The following CHD6 variants were observed in gnomAD, a reference collection of about 807,000 sequenced individuals.
The protein encoded by CHD6 is chromodomain helicase DNA binding protein 6.
A neutral mutation model predicts 276.9 loss-of-function variants in CHD6; 50 were observed. That is an observed-to-expected ratio of 0.18 (90% CI 0.14 to 0.23). CHD6 has a LOEUF of 0.23. Ranked by LOEUF, CHD6 falls within the 10% of genes least tolerant of loss-of-function variation. The pLI, the probability that CHD6 is intolerant of heterozygous loss-of-function variation, is 1.00. For synonymous variants in CHD6, 1,173 were observed against 1,229.3 expected (o/e 0.95, Z 0.96); for missense variants, 2,564 against 3,365.8 (o/e 0.76, Z 5.89).
At chr20:41,512,712 G>A (rs952218341) in intron 5 of CHD6, 134 bp downstream of exon 5, 16 of 944,088 alleles carry the variant, frequency 1.7e-5, no homozygotes, top group Non-Finnish European at 2.6e-5. Context: ...AATGCAACAG[G>A]AAGTCAATCG....
chr20:41,600,144 C>T (rs2045759101), intron 1 of CHD6, among the ~76,000 whole-genome samples: 1 of 152,180 alleles, frequency 6.6e-6, no homozygotes, highest in Non-Finnish European at 1.5e-5. Context: ...CTGAAAAGTC[C>T]TTGATGGCAG....
intron 1 of CHD6, among the ~76,000 whole-genome samples, chr20:41,567,557 A>C (rs2045369755): frequency 6.6e-6 from 1 of 151,916 alleles, no homozygotes. Context: ...CTGATCCCCA[A>C]GTAGGTATCA....
At chr20:41,504,918 A>G (rs2043940413) in intron 5 of CHD6, among the ~76,000 whole-genome samples, 1 of 152,044 alleles carries the variant, frequency 6.6e-6, no homozygotes, top group African/African-American at 2.4e-5. Flanking sequence ...TCCAAACAAT[A>G]TTTTCTACTA....
chr20:41,416,918 T>C (rs1172936952), intron 32 of CHD6, 124 bp from the exon 33 acceptor site: 15 of 810,508 alleles, frequency 1.9e-5, no homozygotes, highest in Non-Finnish European at 5.6e-6. Flanking sequence ...CACTCAAACA[T>C]ACTCACTTTA....
rs1053592679 is a variant in CHD6, at chr20:41,404,128, C to T, written c.*465G>A. Reference sequence around the variant, plus strand: ...AAATATTTTAACTCAAAAATATGCACCAGCACTTCCTTTTTCTGTGCTTTT... The same window carrying T: ...AAATATTTTAACTCAAAAATATGCATCAGCACTTCCTTTTTCTGTGCTTTT... On this transcript the variant is annotated 3_prime_UTR_variant, in exon 37 of 37. Coordinates refer to ENST00000373233, the MANE Select transcript of CHD6 (RefSeq NM_032221.5). 2.8e-6 allele frequency: 3 copies of T among 1,056,454 alleles called. No individual in the cohort carries two copies. Among genetic ancestry groups the T allele is most frequent in the African/African-American group, 3.3e-5 (2 of 60,624 alleles). The allele number at this position is 1,056,454 out of a possible 1,614,324, so 65.4% of individuals were successfully genotyped here.
chr20:41,479,264 A>T (rs907597659), intron 16 of CHD6, among the ~76,000 whole-genome samples: 21 of 152,186 alleles, frequency 1.4e-4, no homozygotes, highest in African/African-American at 2.9e-4. Flanking sequence ...AACAAAAAAG[A>T]AATTGAAGAA....
intron 27 of CHD6, among the ~76,000 whole-genome samples, chr20:41,429,431 T>C (rs541516382): frequency 1.2e-4 from 19 of 152,304 alleles, no homozygotes; most frequent in African/African-American, 4.1e-4. Flanking sequence ...ACTTAGATCA[T>C]TTCAAATCTC....
chr20:41,598,929 A>G (rs2146281161), intron 1 of CHD6, among the ~76,000 whole-genome samples: 1 of 152,292 alleles, frequency 6.6e-6, no homozygotes, highest in South Asian at 2.1e-4. Context: ...CAAAAAGGAC[A>G]ATCACAAAAA....
chr20:41,529,491 A>G (rs1397207821), intron 3 of CHD6, among the ~76,000 whole-genome samples: 1 of 152,090 alleles, frequency 6.6e-6, no homozygotes, highest in Non-Finnish European at 1.5e-5. Context: ...AGGGCTATGG[A>G]AGTTCAGAGG....
chr20:41,583,615 A>G (rs1196959011), intron 1 of CHD6, among the ~76,000 whole-genome samples: 2 of 152,234 alleles, frequency 1.3e-5, no homozygotes, highest in African/African-American at 4.8e-5. Flanking sequence ...CAAAAACAGA[A>G]GTCAATGCGA....
At chr20:41,505,229 C>A (rs1015102103) in intron 5 of CHD6, among the ~76,000 whole-genome samples, 1 of 152,130 alleles carries the variant, frequency 6.6e-6, no homozygotes, top group Non-Finnish European at 1.5e-5. Context: ...GTGGTAGGTC[C>A]ATTCCTTTAG....
intron 6 of CHD6, among the ~76,000 whole-genome samples, chr20:41,498,836 T>C (rs967658966): frequency 1.4e-5 from 2 of 147,182 alleles, no homozygotes; most frequent in African/African-American, 5.1e-5. Flanking sequence ...TGTGTGTGTG[T>C]GTGTGTGTGT....
chr20:41,588,769 A>G (rs971637539), intron 1 of CHD6, among the ~76,000 whole-genome samples: 1 of 151,884 alleles, frequency 6.6e-6, no homozygotes, highest in Admixed American at 6.6e-5. Context: ...TCTAGCTCCC[A>G]CTCTCTAATG....
chr20:41,513,084 G>T, intron 4 of CHD6, 89 bp from the exon 5 acceptor site: 1 of 1,358,856 alleles, frequency 7.4e-7, no homozygotes, highest in Non-Finnish European at 1.0e-6. Context: ...TTACTAACAT[G>T]CCAAGGAGTG....
chr20:41,551,266 AC>A, intron 2 of CHD6, 38 bp downstream of exon 2: 1 of 1,366,682 alleles, frequency 7.3e-7, no homozygotes, highest in Non-Finnish European at 1.0e-6. Flanking sequence ...GCACCAAGAT[AC>A]CCGGATGCAT....
rs1477776820 is a variant in CHD6 at position 41,405,468 on chromosome 20, A to T, written c.7273T>A (p.Phe2425Ile). 2.6e-6 allele frequency: 4 copies of T among 1,554,012 alleles called. No homozygotes were observed. In the Admixed American group the frequency reaches 8.2e-5, roughly 32 times the overall value. Residue 2425 changes from phenylalanine to isoleucine, a missense_variant, in exon 37 of 37, where the codon TTC (phenylalanine) becomes ATC (isoleucine). This residue lies in a region of CHD6 where 1,024 missense variants were observed against 1,047.9 expected (regional missense o/e 0.98). Transcript: ENST00000373233. ...GLRGFLPENKFNHTLAEPILR... is the reference protein window; with the variant it reads ...GLRGFLPENKINHTLAEPILR... The stretch of plus-strand genomic sequence containing the variant: ...ATAGGCTCAGCCAGAGTGTGATTGA[A>T]CTTGTTTTCTGGAAGAAACCCCTGG...
chr20:41,578,660 G>A (rs1378305067), intron 1 of CHD6, among the ~76,000 whole-genome samples: 3 of 148,498 alleles, frequency 2.0e-5, no homozygotes, highest in Non-Finnish European at 4.5e-5. Context: ...ACTACAGCCC[G>A]GGCAACAGAG....
chr20:41,466,135 G>A (rs1251720633), intron 17 of CHD6, among the ~76,000 whole-genome samples: 5 of 152,192 alleles, frequency 3.3e-5, no homozygotes, highest in Non-Finnish European at 7.3e-5. Context: ...CCAGGAGGTG[G>A]AGGTTGCAGT....
At position 41,422,060 on chromosome 20, in the gene CHD6, G is replaced by A. The variant is rs761203759; in HGVS notation, c.4575C>T (p.Ile1525=). ...WKDGGPPDTT[I]YVEPITEERA... The stretch of plus-strand genomic sequence containing the variant: ...GTTCCTCAGTGATGGGTTCAACGTA[G>A]ATGGTGGTATCTGGGGGACCTGGAG... Residue 1525 remains isoleucine, a synonymous_variant, in exon 31 of 37, where the codon ATC becomes ATT. Transcript: ENST00000373233. 2 of 1,609,278 alleles carry A rather than the reference G, an allele frequency of 1.2e-6. No homozygotes were observed. Among genetic ancestry groups the A allele is most frequent in the Admixed American group, 3.3e-5 (2 of 59,752 alleles).
Sources: gnomAD v4.1 joint callset for allele counts (sites outside exome capture counted in the v4.1 genomes callset) on GRCh38, gnomAD v4.1.1 for gene constraint, gnomAD v4.1.1 regional missense constraint, MANE v1.5 for transcripts, NCBI Gene and HGNC (gene_info 2026-07-23, HGNC 2026-07-21) for gene names.